DOP1A: variants seen among roughly 807,000 people sequenced by gnomAD.
The protein encoded by DOP1A is protein DOP1A.
In DOP1A, 90 loss-of-function variants were observed where a neutral mutation model predicts 267.6. The ratio of observed to expected loss-of-function variants is 0.34; its 90% CI spans 0.28 to 0.40. The LOEUF is 0.40. Among genes scored for constraint, DOP1A ranks in the 10% least tolerant of loss-of-function variants. DOP1A has a pLI of 1.00. For missense variants in DOP1A, 2,437 were observed against 2,900.4 expected (o/e 0.84, Z 3.67); for synonymous variants, 932 against 999.1 (o/e 0.93, Z 1.27).
rs181570807 is a variant in DOP1A, at chr6:83,082,093, T to C, written c.-147+14314T>C. 3.3e-3 allele frequency among the ~76,000 whole-genome samples: 509 copies of C among 152,204 alleles called. 12 individuals carry two copies. The highest frequency in any genetic ancestry group is 2.5e-3 in the Non-Finnish European group (172 of 67,998). On this transcript the variant is annotated intron_variant, in intron 1 of 38. Coordinates refer to ENST00000349129, the MANE Select transcript of DOP1A (RefSeq NM_015018.4). ...GTGGGAATGTAAATTAGTATAGCCA[T>C]TATGGAAAACAGTAAGGAGGGGCCT...
rs1165924757 is a variant in DOP1A at position 83,137,953 on chromosome 6, G to GA, written c.3917dup (p.Asp1307GlyfsTer2). On this transcript the variant is annotated frameshift_variant, in exon 21 of 39. Coordinates refer to ENST00000349129, the MANE Select transcript of DOP1A (RefSeq NM_015018.4). LOFTEE classifies it high-confidence loss of function. ...GCAAAACCTAAAGTAAAACTTGCCA[G>GA]AAAAAAGGATGATGACAAGAAAAAA... The GA allele has an allele frequency of 6.2e-6, 10 of 1,602,924 alleles. No homozygotes were observed. The highest frequency in any genetic ancestry group is 4.1e-5 in the African/African-American group (3 of 73,880).
intron 1 of DOP1A, among the ~76,000 whole-genome samples, chr6:83,089,596 C>T (rs1769960733): frequency 6.6e-6 from 1 of 152,110 alleles, no homozygotes; most frequent in Non-Finnish European, 1.5e-5. Flanking sequence ...CGATTAACAG[C>T]CCCTAGAAGA....
rs761507208 is a variant in DOP1A at position 83,125,213 on chromosome 6, T to C, written c.1485+18T>C. ...TGTGTCAGGTATGACATTCAGCCTG[T>C]TTTGTTTTTAAATGATTCTATTTAC... On this transcript the variant is annotated intron_variant, in intron 14 of 38. Coordinates refer to ENST00000349129, the MANE Select transcript of DOP1A (RefSeq NM_015018.4). 10 of 1,559,296 alleles carry C rather than the reference T, an allele frequency of 6.4e-6. No individual in the cohort carries two copies. The highest frequency in any genetic ancestry group is 2.2e-5 in the Admixed American group (1 of 45,380).
intron 1 of DOP1A, among the ~76,000 whole-genome samples, chr6:83,091,741 A>ATAT (rs1166872572): frequency 6.6e-6 from 1 of 152,188 alleles, no homozygotes; most frequent in East Asian, 1.9e-4. Context: ...CATGCACTGA[A>ATAT]TATTATATGT....
chr6:83,170,383 C>G (rs2128479028), downstream of DOP1A: 13 of 1,614,128 alleles, frequency 8.1e-6, no homozygotes, highest in Non-Finnish European at 1.1e-5. Context: ...AAAGCTTGTA[C>G]TTCTTCACCA....
intron 10 of DOP1A, 98 bp from the exon 11 acceptor site, chr6:83,121,832 C>T: frequency 8.2e-7 from 1 of 1,221,144 alleles, no homozygotes; most frequent in Admixed American, 2.6e-5. Flanking sequence ...TTTAAAAATA[C>T]TTGTTTTTAA....
At chr6:83,087,114 A>C (rs1769411576) in intron 1 of DOP1A, among the ~76,000 whole-genome samples, 1 of 152,172 alleles carries the variant, frequency 6.6e-6, no homozygotes, top group South Asian at 2.1e-4. Context: ...TGGAAAGAAA[A>C]GTAGAGAATA....
At chr6:83,116,678 G>A (rs968872783) in intron 7 of DOP1A, among the ~76,000 whole-genome samples, 1 of 152,082 alleles carries the variant, frequency 6.6e-6, no homozygotes, top group African/African-American at 2.4e-5. Flanking sequence ...CGGCATGGTG[G>A]CACATGCCTG....
downstream of DOP1A, chr6:83,170,256 C>G (rs374101514): frequency 4.3e-5 from 67 of 1,543,418 alleles, no homozygotes; most frequent in Non-Finnish European, 5.7e-5. Flanking sequence ...AGTTTGCCTG[C>G]CCATCACCTA....
chr6:83,153,740 T>C, intron 31 of DOP1A, 120 bp downstream of exon 31: 3 of 1,169,950 alleles, frequency 2.6e-6, no homozygotes, highest in Non-Finnish European at 3.5e-6. Context: ...TGAATTATAA[T>C]TGTTTAAAAA....
intron 6 of DOP1A, among the ~76,000 whole-genome samples, chr6:83,111,139 T>G (rs1225824382): frequency 1.3e-5 from 2 of 152,066 alleles, no homozygotes; most frequent in African/African-American, 4.8e-5. Flanking sequence ...TTTTTTGTGT[T>G]CTTTAAATCC....
At chr6:83,163,269 C>G (rs186462470) in intron 38 of DOP1A, among the ~76,000 whole-genome samples, 1 of 151,916 alleles carries the variant, frequency 6.6e-6, no homozygotes, top group Non-Finnish European at 1.5e-5. Context: ...GAACACTCTT[C>G]GTGTCAAAAA....
At chr6:83,074,287 TTTTA>T (rs531695849) in intron 1 of DOP1A, among the ~76,000 whole-genome samples, 1,744 of 152,098 alleles carry the variant, frequency 0.011, 22 homozygotes, top group African/African-American at 0.031. Flanking sequence ...AAGATACAGA[TTTTA>T]TTTATTTATT....
intron 1 of DOP1A, among the ~76,000 whole-genome samples, chr6:83,074,711 ATGTAAATTATAG>A (rs1766739613): frequency 6.6e-6 from 1 of 152,220 alleles, no homozygotes; most frequent in Non-Finnish European, 1.5e-5. Flanking sequence ...CTAAGTAATG[ATGTAAATTATAG>A]TGAATCAACG....
chr6:83,125,786 G>A, intron 15 of DOP1A, 53 bp downstream of exon 15: 2 of 1,439,566 alleles, frequency 1.4e-6, no homozygotes, highest in Admixed American at 3.9e-5. Context: ...CTTCAAAGCA[G>A]AACAGTTACT....
rs182257107 is a variant in DOP1A at position 83,138,027 on chromosome 6, C to T, written c.3985C>T (p.Leu1329=). 1.2e-4 allele frequency: 200 copies of T among 1,610,276 alleles called. 3 individuals carry two copies. The East Asian group carries it at 3.6e-3, about 29-fold the overall frequency. The part of the protein sequence containing the change: ...KQTSVFFSDG[L]DLENWYSCGE... ...AACCAGTGTATTCTTCAGTGATGGT[C>T]TGGATTTAGAGAACTGGTATAGCTG... Residue 1329 remains leucine, a synonymous_variant, in exon 21 of 39, where the codon CTG becomes TTG. Coordinates refer to ENST00000349129, the MANE Select transcript of DOP1A (RefSeq NM_015018.4).
chr6:83,138,118 A>T lies in DOP1A; in HGVS notation c.4076A>T (p.Asn1359Ile), dbSNP rs145538359. 5 of 1,613,746 alleles carry T rather than the reference A, an allele frequency of 3.1e-6. No individual in the cohort carries two copies. In the Admixed American group the frequency reaches 6.7e-5, roughly 22 times the overall value. Residue 1359 changes from asparagine (N) to isoleucine (I), a missense_variant, in exon 21 of 39, where the codon AAT (asparagine) becomes ATT (isoleucine). By Grantham distance (149) the Asn-to-Ile change is moderately radical. Transcript: ENST00000349129. ...TCTCCAGGATCTCGAAAATCTCCCA[A>T]TTTCAACATTCATCCTCTCTATCAA... Reference protein sequence around the residue: ...MGSPGSRKSPNFNIHPLYQHV... With the variant: ...MGSPGSRKSPIFNIHPLYQHV...
chr6:83,159,398 T>C (rs1180962867), intron 36 of DOP1A, among the ~76,000 whole-genome samples: 1 of 151,708 alleles, frequency 6.6e-6, no homozygotes, highest in Non-Finnish European at 1.5e-5. Flanking sequence ...CTCAGCCTCC[T>C]GAGCAGCTGA....
intron 23 of DOP1A, among the ~76,000 whole-genome samples, chr6:83,140,840 G>T (rs1376789682): frequency 4.0e-5 from 6 of 151,718 alleles, no homozygotes; most frequent in Admixed American, 3.9e-4. Flanking sequence ...TATTTTTAAG[G>T]TTCATTCATA....
Sources: allele counts gnomAD v4.1 joint callset (sites outside exome capture counted in the v4.1 genomes callset), GRCh38; gene constraint gnomAD v4.1.1; transcripts MANE v1.5; gene names NCBI Gene and HGNC (gene_info 2026-07-23, HGNC 2026-07-21).